The following CLDN10 variants were observed in gnomAD, a reference collection of about 807,000 sequenced individuals.
CLDN10 encodes the protein claudin 10.
In CLDN10, 15 loss-of-function variants were observed where a neutral mutation model predicts 22.9. The ratio of observed to expected loss-of-function variants is 0.65; its 90% CI spans 0.44 to 1.01. The LOEUF (loss-of-function observed/expected upper bound fraction) is 1.01. Among genes scored for constraint, CLDN10 ranks in the 50% least tolerant of loss-of-function variants. CLDN10 has a pLI of 0.00. For missense variants in CLDN10, 247 were observed against 287.8 expected (o/e 0.86, Z 1.03); for synonymous variants, 114 against 111.4 (o/e 1.02, Z -0.15).
At chr13:95,577,209 CT>C (rs1158368653) in intron 3 of CLDN10, 21 bp from the exon 4 acceptor site, 1 of 1,511,426 alleles carries the variant, frequency 6.6e-7, no homozygotes, top group Non-Finnish European at 9.2e-7. Context: ...AGCTGTAATA[CT>C]TGTGTAATGC....
chr13:95,567,701 G>A (rs556121809), intron 3 of CLDN10, among the ~76,000 whole-genome samples: 134 of 152,228 alleles, frequency 8.8e-4, no homozygotes, highest in Non-Finnish European at 1.5e-3. Context: ...TCTTGTGCCA[G>A]TTTTCAAAGG....
At chr13:95,467,027 C>T (rs1358696416) in intron 1 of CLDN10, among the ~76,000 whole-genome samples, 2 of 134,418 alleles carry the variant, frequency 1.5e-5, no homozygotes, top group Admixed American at 1.6e-4. Flanking sequence ...CAGGCGCCTG[C>T]CACCATGCCC....
intron 3 of CLDN10, among the ~76,000 whole-genome samples, chr13:95,561,816 A>G (rs2043716745): frequency 7.0e-6 from 1 of 142,676 alleles, no homozygotes; most frequent in African/African-American, 2.6e-5. Context: ...CTCAGGCTGG[A>G]GTGTGGTGGT....
intron 1 of CLDN10, among the ~76,000 whole-genome samples, chr13:95,480,787 G>A (rs546609394): frequency 2.6e-5 from 4 of 152,318 alleles, no homozygotes; most frequent in East Asian, 3.9e-4. Flanking sequence ...CAATAGACAC[G>A]CTATTCACAT....
At chr13:95,475,311 G>C (rs1043502716) in intron 1 of CLDN10, among the ~76,000 whole-genome samples, 8 of 152,138 alleles carry the variant, frequency 5.3e-5, no homozygotes, top group African/African-American at 1.7e-4. Flanking sequence ...AAATAACCTT[G>C]GTTCAAAAGG....
intron 1 of CLDN10, among the ~76,000 whole-genome samples, chr13:95,506,519 C>T (rs1459724695): frequency 6.6e-6 from 1 of 152,196 alleles, no homozygotes; most frequent in Non-Finnish European, 1.5e-5. Context: ...CCTCTGCCTC[C>T]CTCTGGGAGA....
chr13:95,490,726 A>T (rs1157308182), intron 1 of CLDN10, among the ~76,000 whole-genome samples: 1 of 152,208 alleles, frequency 6.6e-6, no homozygotes, highest in Admixed American at 6.5e-5. Flanking sequence ...TCTGTTGAAT[A>T]GAATGCAGTT....
At chr13:95,475,792 C>CTG (rs1175638732) in intron 1 of CLDN10, among the ~76,000 whole-genome samples, 1 of 150,192 alleles carries the variant, frequency 6.7e-6, no homozygotes, top group Non-Finnish European at 1.5e-5. Flanking sequence ...CTGCATCTCT[C>CTG]TCTCTCTCTC....
intron 1 of CLDN10, among the ~76,000 whole-genome samples, chr13:95,495,042 A>AATTT (rs1566300533): frequency 6.6e-6 from 1 of 150,862 alleles, no homozygotes; most frequent in African/African-American, 2.4e-5. Flanking sequence ...TTAATTAATT[A>AATTT]ATTTTTTTTT....
chr13:95,498,103 T>C (rs1484175264), intron 1 of CLDN10, among the ~76,000 whole-genome samples: 1 of 152,238 alleles, frequency 6.6e-6, no homozygotes, highest in African/African-American at 2.4e-5. Context: ...TTCAGAGTTA[T>C]GGATCAGGTT....
Position 95,569,934 on chromosome 13 carries a change from A to G in CLDN10, c.465-7297A>G, listed in dbSNP as rs1315336052. The stretch of plus-strand genomic sequence containing the variant: ...CAGGCGCCCGCCACCGCGCCCGGCT[A>G]ATTTTTTATATTTTTAGTAGAGACG... On this transcript the variant is annotated intron_variant, in intron 3 of 4. Coordinates refer to ENST00000299339, the MANE Select transcript of CLDN10 (RefSeq NM_006984.5). Among the ~76,000 whole-genome samples the G allele has an allele frequency of 3.3e-5, 5 of 152,122 alleles. No homozygotes were observed. In the South Asian group the frequency reaches 8.3e-4, roughly 25 times the overall value.
intron 1 of CLDN10, among the ~76,000 whole-genome samples, chr13:95,440,935 G>A (rs1050765528): frequency 6.6e-6 from 1 of 152,208 alleles, no homozygotes; most frequent in Non-Finnish European, 1.5e-5. Context: ...TCCTAAAGCA[G>A]TGTGCTGCAG....
intron 1 of CLDN10, among the ~76,000 whole-genome samples, chr13:95,524,144 A>G (rs935945264): frequency 5.0e-5 from 6 of 118,966 alleles, no homozygotes; most frequent in African/African-American, 9.3e-5. Context: ...ACTGGCTTTT[A>G]ACATTTTTAT....
intron 1 of CLDN10, among the ~76,000 whole-genome samples, chr13:95,453,239 C>T (rs1393018133): frequency 1.3e-5 from 2 of 152,204 alleles, no homozygotes; most frequent in Non-Finnish European, 2.9e-5. Context: ...ACATCTCTTC[C>T]CTATCAATAT....
chr13:95,563,087 G>A (rs1594615308), intron 3 of CLDN10, among the ~76,000 whole-genome samples: 1 of 118,530 alleles, frequency 8.4e-6, no homozygotes, highest in Non-Finnish European at 1.9e-5. Flanking sequence ...TTCTGTCTCT[G>A]CCTACCCACT....
intron 1 of CLDN10, among the ~76,000 whole-genome samples, chr13:95,441,619 C>T (rs1002510005): frequency 5.3e-5 from 8 of 152,186 alleles, no homozygotes; most frequent in African/African-American, 1.9e-4. Flanking sequence ...GATCCACCAG[C>T]CAGCAGCATC....
intron 1 of CLDN10, among the ~76,000 whole-genome samples, chr13:95,447,077 C>G (rs985201274): frequency 6.6e-6 from 1 of 152,100 alleles, no homozygotes; most frequent in African/African-American, 2.4e-5. Context: ...CTAGTTTATA[C>G]GCACCAAATA....
intron 1 of CLDN10, among the ~76,000 whole-genome samples, chr13:95,471,404 TACACACACACATATAC>T (rs1157952537): frequency 3.1e-4 from 43 of 140,474 alleles, no homozygotes; most frequent in Middle Eastern, 3.7e-3. Flanking sequence ...CATGTATATA[TACACACACACATATAC>T]ACACACACAC....
At position 95,560,428 on chromosome 13, in the gene CLDN10, A is replaced by G. The variant is rs1357561337; in HGVS notation, c.429A>G (p.Thr143=). 2.5e-6 allele frequency: 4 copies of G among 1,614,098 alleles called. No homozygotes were observed. The highest frequency in any genetic ancestry group is 3.4e-6 in the Non-Finnish European group (4 of 1,179,932). ...GTTCCCTATATGCAAACAAAATCAC[A>G]ACGGAATTCTTTGATCCTCTCTTTG... ...TGCSLYANKI[T]TEFFDPLFVE... The change falls in exon 3 of 5, where the codon ACA becomes ACG. Residue 143 remains threonine (T), a synonymous_variant. Coordinates refer to ENST00000299339, the MANE Select transcript of CLDN10 (RefSeq NM_006984.5).
Sources: allele counts gnomAD v4.1 joint callset (sites outside exome capture counted in the v4.1 genomes callset), GRCh38; gene constraint gnomAD v4.1.1; transcripts MANE v1.5; gene names NCBI Gene and HGNC (gene_info 2026-07-23, HGNC 2026-07-21).